Variants in NUP214 observed in about 807,000 individuals in gnomAD.
The protein encoded by NUP214 is nucleoporin 214.
NUP214 carries 79 observed loss-of-function variants against 196.2 expected under a neutral mutation model. The ratio of observed to expected loss-of-function variants is 0.40; its 90% CI spans 0.34 to 0.49. NUP214 has a LOEUF of 0.49. NUP214 is among the 20% of genes least tolerant of loss of function. The pLI, the probability that NUP214 is intolerant of heterozygous loss-of-function variation, is 0.58. For missense variants in NUP214, 2,468 were observed against 2,539.0 expected (o/e 0.97, Z 0.60); for synonymous variants, 1,020 against 990.5 (o/e 1.03, Z -0.56).
chr9:131,205,100 G>C lies in NUP214; in HGVS notation c.5592+3383G>C, dbSNP rs141228811. 4.7e-3 allele frequency among the ~76,000 whole-genome samples: 708 copies of C among 152,176 alleles called. 3 individuals carry two copies. Among genetic ancestry groups the C allele is most frequent in the African/African-American group, 0.017 (689 of 41,524 alleles). ...TAGCAGACCTGACTCCAGTCTGGGC[G>C]ACAGAGCAAGACTCCATCTCAAAAA... On this transcript the variant is annotated intron_variant, in intron 30 of 35. Transcript: ENST00000359428.
At position 131,197,711 on chromosome 9, in the gene NUP214, C is replaced by G. The variant is rs772112983; in HGVS notation, c.4217C>G (p.Ser1406Cys). ...SVAPPAATST[S>C]STAVFGSLPV... ...GCACCACCAGCAGCCACCAGCACTT[C>G]CTCAACTGCCGTTTTTGGCAGTCTG... The change falls in exon 29 of 36, where the codon TCC (serine) becomes TGC (cysteine). Residue 1406 changes from serine (S) to cysteine (C), a missense_variant. Ser to Cys is a moderately radical substitution (Grantham distance 112). Transcript: ENST00000359428. 1 of 1,614,214 alleles carries G rather than the reference C, an allele frequency of 6.2e-7. No individual in the cohort carries two copies.
intron 11 of NUP214, among the ~76,000 whole-genome samples, chr9:131,141,467 G>C (rs1174094637): frequency 3.4e-5 from 5 of 146,292 alleles, no homozygotes. Flanking sequence ...TGTATCACTT[G>C]TGAAAAGAAA....
At chr9:131,134,652 G>C (rs1297684014) in intron 7 of NUP214, among the ~76,000 whole-genome samples, 2 of 152,102 alleles carry the variant, frequency 1.3e-5, no homozygotes, top group African/African-American at 2.4e-5. Context: ...TAAGTATCAG[G>C]AAGGTTGAAA....
intron 4 of NUP214, among the ~76,000 whole-genome samples, chr9:131,130,137 G>GTTTTTTTTTTTGTTTT (rs1554728065): frequency 2.6e-5 from 2 of 76,894 alleles, no homozygotes; most frequent in Non-Finnish European, 4.6e-5. Context: ...TTCTGGTTTT[G>GTTTTTTTTTTTGTTTT]TTTTTTTTTT....
chr9:131,194,765 T>A (rs1833727292), intron 27 of NUP214, among the ~76,000 whole-genome samples: 1 of 152,350 alleles, frequency 6.6e-6, no homozygotes, highest in East Asian at 1.9e-4. Context: ...CCTAGCAGTG[T>A]GGGGCTCTCT....
chr9:131,130,567 A>G (rs1360923755), intron 4 of NUP214, among the ~76,000 whole-genome samples, 199 bp from the exon 5 acceptor site: 2 of 152,212 alleles, frequency 1.3e-5, no homozygotes, highest in Admixed American at 1.3e-4. Context: ...TTAGCTTTCA[A>G]TTCAATAGCC....
At chr9:131,194,597 T>C (rs898318438) in intron 27 of NUP214, among the ~76,000 whole-genome samples, 1 of 152,212 alleles carries the variant, frequency 6.6e-6, no homozygotes, top group African/African-American at 2.4e-5. Flanking sequence ...TCCTTAGCTA[T>C]GGTGTCTTCA....
intron 24 of NUP214, among the ~76,000 whole-genome samples, chr9:131,185,685 G>C (rs764021280): frequency 1.8e-4 from 27 of 152,142 alleles, no homozygotes; most frequent in Non-Finnish European, 3.5e-4. Context: ...TCTGTGTGCT[G>C]TCTTGGATCT....
At position 131,234,389 on chromosome 9, in the gene NUP214, C is replaced by T; in HGVS notation, c.*902C>T. 1 of 232,770 alleles carries T rather than the reference C, an allele frequency of 4.3e-6. No homozygotes were observed. Among genetic ancestry groups the T allele is most frequent in the Non-Finnish European group, 8.5e-6 (1 of 117,756 alleles). The allele number at this position is 232,770 out of a possible 1,614,324, so 14.4% of individuals were successfully genotyped here. ...TTGACAACAGTGTTTGCTAGGACGGCCCAGAGCTCATCACTGCAGTTTTAT... is the reference window on the plus strand; with the variant it reads ...TTGACAACAGTGTTTGCTAGGACGGTCCAGAGCTCATCACTGCAGTTTTAT... On this transcript the variant is annotated 3_prime_UTR_variant, in exon 36 of 36. Transcript: ENST00000359428.
intron 6 of NUP214, 52 bp downstream of exon 6, chr9:131,132,711 T>G (rs1458645135): frequency 1.4e-6 from 2 of 1,475,772 alleles, no homozygotes; most frequent in South Asian, 2.3e-5. Flanking sequence ...GTTATGTATA[T>G]TACAGAAATT....
chr9:131,178,779 CTG>C (rs896603824), intron 24 of NUP214, among the ~76,000 whole-genome samples: 1 of 150,284 alleles, frequency 6.7e-6, no homozygotes, highest in African/African-American at 2.5e-5. Context: ...ATTCTGGAAA[CTG>C]TAATCTCAAG....
rs777956723 is a variant in NUP214, at chr9:131,197,921, T to C, written c.4427T>C (p.Leu1476Pro). 1.2e-6 allele frequency: 2 copies of C among 1,613,964 alleles called. No homozygotes were observed. The highest frequency in any genetic ancestry group is 1.7e-5 in the Admixed American group (1 of 59,996). The change falls in exon 29 of 36, where the codon CTC becomes CCC. Residue 1476 changes from leucine (L) to proline (P), a missense_variant. Transcript: ENST00000359428. The part of the protein sequence containing the change: ...TSFPTLSFGS[L>P]LSSATTPSLP... ...TTCCCCACATTGTCATTTGGTAGCCTCCTGAGTTCAGCAACTACCCCCTCC... is the reference window on the plus strand; with the variant it reads ...TTCCCCACATTGTCATTTGGTAGCCCCCTGAGTTCAGCAACTACCCCCTCC...
At chr9:131,207,561 C>T (rs954840822) in intron 30 of NUP214, among the ~76,000 whole-genome samples, 6 of 152,190 alleles carry the variant, frequency 3.9e-5, no homozygotes, top group Non-Finnish European at 7.3e-5. Flanking sequence ...CCTTTTATGA[C>T]CTATCCTCAG....
At chr9:131,148,135 G>A (rs1332326010) in intron 14 of NUP214, among the ~76,000 whole-genome samples, 1 of 152,200 alleles carries the variant, frequency 6.6e-6, no homozygotes, top group Non-Finnish European at 1.5e-5. Flanking sequence ...CAGAACCCCA[G>A]AGTTCTTTTT....
chr9:131,215,176 C>G, intron 30 of NUP214, 36 bp from the exon 31 acceptor site: 2 of 1,469,602 alleles, frequency 1.4e-6, no homozygotes, highest in Non-Finnish European at 1.8e-6. Context: ...GATGACCTCT[C>G]ATCCTATCTT....
chr9:131,229,757 A>C (rs2131108920), intron 33 of NUP214: 1 of 518,986 alleles, frequency 1.9e-6, no homozygotes, highest in Middle Eastern at 3.2e-4. Flanking sequence ...CGCTCCTGGG[A>C]GAAAGTCCAA....
rs768188109 is a variant in NUP214, at chr9:131,195,308, G to A, written c.3721+14G>A. 3 of 1,604,462 alleles carry A rather than the reference G, an allele frequency of 1.9e-6. No homozygotes were observed. Among genetic ancestry groups the A allele is most frequent in the East Asian group, 4.5e-5 (2 of 44,828 alleles). Reference sequence around the variant, plus strand: ...CTGCTGCACAAGGTACAGACTCTGTGTTGAGTAGCATTACTCATGTGTTTT... The same window carrying A: ...CTGCTGCACAAGGTACAGACTCTGTATTGAGTAGCATTACTCATGTGTTTT... On this transcript the variant is annotated intron_variant, in intron 28 of 35. Coordinates refer to ENST00000359428, the MANE Select transcript of NUP214 (RefSeq NM_005085.4).
Position 131,198,357 on chromosome 9 carries a change from G to C in NUP214, c.4863G>C (p.Thr1621=). 6.2e-7 allele frequency: 1 copy of C among 1,614,204 alleles called. No individual in the cohort carries two copies. Among genetic ancestry groups the C allele is most frequent in the Non-Finnish European group, 8.5e-7 (1 of 1,180,038 alleles). Residue 1621 remains threonine (T), a synonymous_variant, in exon 29 of 36, where the codon ACG becomes ACC. Coordinates refer to ENST00000359428, the MANE Select transcript of NUP214 (RefSeq NM_005085.4). The part of the protein sequence containing the change: ...TSSTPIASST[T]SIVAPGPSAE... ...GTACCCCCATAGCCTCCAGCACCAC[G>C]TCCATTGTTGCTCCCGGCCCATCTG... is the stretch of plus-strand genomic sequence containing the variant.
In NUP214 at chr9:131,198,762, C is replaced by T. The variant is rs991485506; in HGVS notation, c.5268C>T (p.Phe1756=). ...SQPGFSSVPA[F]GQPASSTPTS... is the part of the protein sequence containing the mutation. ...CTGGGTTCAGTTCCGTGCCTGCCTT[C>T]GGTCAGCCTGCTTCCTCCACTCCCA... The change falls in exon 29 of 36, where the codon TTC becomes TTT. Residue 1756 remains phenylalanine (F), a synonymous_variant. Transcript: ENST00000359428. 4 of 1,614,202 alleles carry T rather than the reference C, an allele frequency of 2.5e-6. No individual in the cohort carries two copies. The highest frequency in any genetic ancestry group is 1.1e-5 in the South Asian group (1 of 91,082).
Sources: allele counts gnomAD v4.1 joint callset (sites outside exome capture counted in the v4.1 genomes callset), GRCh38; gene constraint gnomAD v4.1.1; transcripts MANE v1.5; gene names NCBI Gene and HGNC (gene_info 2026-07-23, HGNC 2026-07-21).